Variants in RBMS3 observed in about 807,000 individuals in gnomAD.
RBMS3 encodes RNA binding motif single stranded interacting protein 3.
Under a neutral mutation model 66.8 loss-of-function variants are expected in RBMS3, and 27 were observed. That is an observed-to-expected ratio of 0.40 (90% confidence interval 0.30 to 0.56). The LOEUF is 0.56. Ranked by LOEUF, RBMS3 falls within the 20% of genes least tolerant of loss-of-function variation. RBMS3 has a pLI of 0.40. For missense variants in RBMS3, 513 were observed against 549.5 expected (o/e 0.93, Z 0.66); for synonymous variants, 188 against 183.0 (o/e 1.03, Z -0.22).
At chr3:29,582,612 C>T (rs975551146) in intron 3 of RBMS3, among the ~76,000 whole-genome samples, 2 of 152,212 alleles carry the variant, frequency 1.3e-5, no homozygotes, top group Non-Finnish European at 2.9e-5. Context: ...TTAGCAGTTA[C>T]CGGAAAGCAT....
intron 3 of RBMS3, among the ~76,000 whole-genome samples, chr3:29,557,719 C>T (rs1416518665): frequency 1.3e-5 from 2 of 152,114 alleles, no homozygotes; most frequent in Admixed American, 6.5e-5. Flanking sequence ...AACCTACTAA[C>T]CCTGTCTATT....
intron 6 of RBMS3, among the ~76,000 whole-genome samples, chr3:29,818,497 G>A (rs1395016975): frequency 6.6e-6 from 1 of 151,624 alleles, no homozygotes; most frequent in East Asian, 1.9e-4. Context: ...TTGATACATT[G>A]TTATGAACAA....
chr3:29,350,030 C>A (rs533719910), intron 1 of RBMS3, among the ~76,000 whole-genome samples: 25 of 152,056 alleles, frequency 1.6e-4, no homozygotes, highest in Middle Eastern at 3.4e-3. Flanking sequence ...CATGGTGGCA[C>A]ATGCCTGTAA....
intron 12 of RBMS3, among the ~76,000 whole-genome samples, chr3:29,952,674 T>C (rs998052695): frequency 6.6e-6 from 1 of 151,910 alleles, no homozygotes; most frequent in African/African-American, 2.4e-5. Flanking sequence ...ATCAAGCTGA[T>C]ATAACTTCTA....
rs1284010466 is a variant in RBMS3 at position 29,331,260 on chromosome 3, A to G, written c.75+49504A>G. ...TGTTTGACTTGTGCAGGCTAGCACT[A>G]GTGACTTTCTTCAGAGGACTGCCTT... On this transcript the variant is annotated intron_variant, in intron 1 of 14. Coordinates refer to ENST00000383767, the MANE Select transcript of RBMS3 (RefSeq NM_001003793.3). Among the ~76,000 whole-genome samples the G allele has an allele frequency of 4.6e-5, 7 of 152,160 alleles. No individual in the cohort carries two copies. In the South Asian group the frequency reaches 1.0e-3, roughly 23 times the overall value.
chr3:29,511,037 G>A lies in RBMS3; in HGVS notation c.307+22538G>A, dbSNP rs140667690. On this transcript the variant is annotated intron_variant, in intron 3 of 14. Transcript: ENST00000383767. ...ATTTTGGCCGGGCGTGGTGGCTCAC[G>A]CCTGTAATCCCAACACTTTGGGAGG... is the stretch of plus-strand genomic sequence containing the variant. Among the ~76,000 whole-genome samples, 151 of 152,302 alleles carry A rather than the reference G, an allele frequency of 9.9e-4. 1 individual carries two copies. Among genetic ancestry groups the A allele is most frequent in the African/African-American group, 3.5e-3 (145 of 41,584 alleles).
intron 6 of RBMS3, chr3:29,767,049 T>TA (rs2055959574): frequency 6.6e-6 from 1 of 151,956 alleles, no homozygotes; most frequent in South Asian, 2.1e-4. Flanking sequence ...CTTTGTCCCG[T>TA]AATGAATTAC....
intron 2 of RBMS3, among the ~76,000 whole-genome samples, chr3:29,461,920 A>ATTT (rs61115023): frequency 2.3e-4 from 21 of 93,300 alleles, no homozygotes; most frequent in African/African-American, 7.8e-4. Flanking sequence ...TGCCCGGCTA[A>ATTT]TTTTTTTTTT....
chr3:29,998,435 C>T (rs1290100406), intron 14 of RBMS3, among the ~76,000 whole-genome samples: 2 of 151,954 alleles, frequency 1.3e-5, no homozygotes, highest in African/African-American at 4.8e-5. Context: ...CATATGGAAC[C>T]AAAAAAGAGC....
chr3:29,955,805 A>G (rs1189879811), intron 12 of RBMS3, among the ~76,000 whole-genome samples: 1 of 152,094 alleles, frequency 6.6e-6, no homozygotes, highest in East Asian at 1.9e-4. Context: ...TAATGGACAC[A>G]GTGACTTGTA....
intron 1 of RBMS3, among the ~76,000 whole-genome samples, chr3:29,369,965 C>G (rs1463115596): frequency 6.6e-6 from 1 of 152,072 alleles, no homozygotes; most frequent in Non-Finnish European, 1.5e-5. Flanking sequence ...AATGCAGACA[C>G]CAGCTTTTCT....
intron 5 of RBMS3, among the ~76,000 whole-genome samples, chr3:29,758,254 A>G (rs2055513770): frequency 1.3e-5 from 2 of 152,228 alleles, no homozygotes; most frequent in Non-Finnish European, 2.9e-5. Context: ...GAGGGATGAC[A>G]TGAGGCCAGC....
intron 4 of RBMS3, among the ~76,000 whole-genome samples, chr3:29,719,247 T>C (rs1157271201): frequency 3.3e-5 from 5 of 152,202 alleles, no homozygotes; most frequent in Admixed American, 1.3e-4. Context: ...AAAATGTTCC[T>C]TATAAAAGTC....
At chr3:29,542,562 T>C (rs904461546) in intron 3 of RBMS3, among the ~76,000 whole-genome samples, 1 of 152,172 alleles carries the variant, frequency 6.6e-6, no homozygotes, top group African/African-American at 2.4e-5. Context: ...GGTTTCACCA[T>C]GTTGGCCAGG....
At chr3:29,331,051 C>T (rs2035621731) in intron 1 of RBMS3, among the ~76,000 whole-genome samples, 1 of 152,134 alleles carries the variant, frequency 6.6e-6, no homozygotes, top group African/African-American at 2.4e-5. Context: ...AGAGCATTGG[C>T]TGGACATTTC....
At chr3:29,639,139 C>T (rs1193944510) in intron 4 of RBMS3, among the ~76,000 whole-genome samples, 1 of 151,722 alleles carries the variant, frequency 6.6e-6, no homozygotes, top group East Asian at 1.9e-4. Flanking sequence ...AGGCTTTAGG[C>T]ACGTTTACAT....
intron 7 of RBMS3, among the ~76,000 whole-genome samples, chr3:29,871,639 G>A (rs182297114): frequency 1.9e-4 from 29 of 152,204 alleles, no homozygotes; most frequent in African/African-American, 7.0e-4. Flanking sequence ...TTTAGATTAT[G>A]CTGCTGTGGA....
At chr3:29,510,921 A>G (rs2044374334) in intron 3 of RBMS3, among the ~76,000 whole-genome samples, 1 of 152,212 alleles carries the variant, frequency 6.6e-6, no homozygotes, top group Non-Finnish European at 1.5e-5. Flanking sequence ...CAAATATTTT[A>G]TTATGAAAAG....
chr3:29,722,812 G>T (rs35951078), intron 4 of RBMS3, among the ~76,000 whole-genome samples: 36 of 151,682 alleles, frequency 2.4e-4, no homozygotes, highest in Admixed American at 9.2e-4. Flanking sequence ...GTATCATATC[G>T]AGAGGCACAA....
Sources: allele counts gnomAD v4.1 joint callset (sites outside exome capture counted in the v4.1 genomes callset), GRCh38; gene constraint gnomAD v4.1.1; transcripts MANE v1.5; gene names NCBI Gene and HGNC (gene_info 2026-07-23, HGNC 2026-07-21).